Variants in FAM169A observed in about 807,000 individuals in gnomAD.
FAM169A encodes soluble lamin-associated protein of 75 kDa.
Under a neutral mutation model 75.7 loss-of-function variants are expected in FAM169A, and 24 were observed. The observed-to-expected ratio is 0.32, with a 90% CI of 0.23 to 0.45. The LOEUF (loss-of-function observed/expected upper bound fraction) is 0.45, where lower values mean the gene tolerates loss of function less well. FAM169A is among the 20% of genes least tolerant of loss of function. The pLI is 1.00. For synonymous variants in FAM169A, 271 were observed against 271.0 expected, an observed-to-expected ratio of 1.00 and a Z score of 0.00; for missense variants, 673 against 784.0, an observed-to-expected ratio of 0.86 and a Z score of 1.69.
At chr5:74,785,773 G>T (rs549004305) in intron 11 of FAM169A, among the ~76,000 whole-genome samples, 12 of 152,204 alleles carry the variant, frequency 7.9e-5, no homozygotes, top group Admixed American at 3.9e-4. Context: ...ACACACACAC[G>T]TATGTATATA....
rs1750324266 is a variant in FAM169A at position 74,866,078 on chromosome 5, G to T, written c.-4+87C>A. The T allele has an allele frequency of 5.9e-6, 4 of 673,240 alleles. No individual in the cohort carries two copies. In the Admixed American group the frequency reaches 1.9e-4, roughly 32 times the overall value. The allele number at this position is 673,240 out of a possible 1,614,324, so 41.7% of individuals were successfully genotyped here. ...CCCGCGTCGCCGCTCGGTGTCCGCG[G>T]GTCTGGTGCTGGCGGGGGCGCGGGG... On this transcript the variant is annotated intron_variant, in intron 1 of 12. Transcript: ENST00000687041.
rs1428808260 is a variant in FAM169A, at chr5:74,796,109, A to T, written c.1181T>A (p.Phe394Tyr). The change falls in exon 11 of 13, where the codon TTT becomes TAT. Residue 394 changes from phenylalanine to tyrosine, a missense_variant. Transcript: ENST00000687041. ...ATCTCTATCACTGCTTTCATCCTCA[A>T]ATTCAATCCCTCTCTGTTCAGGTTC... The part of the protein sequence containing the change: ...EEEPEQRGIE[F>Y]EDESSDRDAR... 1.2e-6 allele frequency: 2 copies of T among 1,613,950 alleles called. No homozygotes were observed. Among genetic ancestry groups the T allele is most frequent in the Non-Finnish European group, 1.7e-6 (2 of 1,180,014 alleles).
rs1745389138 is a variant in FAM169A at position 74,781,090 on chromosome 5, AG to A, written c.*369del. ...ACCAAGTTTTACTATTAAAACCCTT[AG>A]TATAAAAGATTTCTGTGATCCTTAT... is the stretch of plus-strand genomic sequence containing the variant. On this transcript the variant is annotated 3_prime_UTR_variant, in exon 13 of 13. Coordinates refer to ENST00000687041, the MANE Select transcript of FAM169A (RefSeq NM_001376049.1). The A allele has an allele frequency of 5.8e-6, 1 of 171,258 alleles. No homozygotes were observed. Among genetic ancestry groups the A allele is most frequent in the Non-Finnish European group, 1.2e-5 (1 of 80,302 alleles). 10.6% of individuals were successfully genotyped at this position (171,258 alleles called of 1,614,324 possible).
At chr5:74,862,426 C>T (rs1261621317) in intron 1 of FAM169A, among the ~76,000 whole-genome samples, 1 of 152,182 alleles carries the variant, frequency 6.6e-6, no homozygotes, top group East Asian at 1.9e-4. Flanking sequence ...ATCCCACATC[C>T]CCAAAAGCTT....
chr5:74,845,077 T>C (rs1749080491), intron 1 of FAM169A, among the ~76,000 whole-genome samples: 1 of 152,098 alleles, frequency 6.6e-6, no homozygotes, highest in South Asian at 2.1e-4. Flanking sequence ...AAACTGAAAA[T>C]CCAGAGAAAC....
upstream of FAM169A, chr5:74,866,605 C>T (rs553917168): frequency 1.6e-4 from 108 of 655,062 alleles, 1 homozygote; most frequent in South Asian, 6.6e-3. Flanking sequence ...CCTCTCTCCG[C>T]CCCGGCCGCC....
At chr5:74,796,654 T>G (rs1746293480) in intron 10 of FAM169A, among the ~76,000 whole-genome samples, 1 of 152,088 alleles carries the variant, frequency 6.6e-6, no homozygotes, top group Non-Finnish European at 1.5e-5. Context: ...TCCGCCCATC[T>G]TGGCCTCCCA....
chr5:74,816,280 CAA>C (rs1394890546), intron 5 of FAM169A, among the ~76,000 whole-genome samples: 1 of 152,144 alleles, frequency 6.6e-6, no homozygotes, highest in Non-Finnish European at 1.5e-5. Context: ...GTTCTCAATA[CAA>C]AGTCTGAGGA....
Position 74,800,971 on chromosome 5 carries a change from T to C in FAM169A, c.1012A>G (p.Ile338Val), listed in dbSNP as rs1265664656. The C allele has an allele frequency of 6.4e-7, 1 of 1,562,958 alleles. No individual in the cohort carries two copies. Among genetic ancestry groups the C allele is most frequent in the Non-Finnish European group, 8.7e-7 (1 of 1,154,004 alleles). The change falls in exon 10 of 13, where the codon ATT (isoleucine) becomes GTT (valine). Residue 338 changes from isoleucine (I) to valine (V), a missense_variant. Around this residue, in one of 3 missense-constraint regions of FAM169A, gnomAD observed 510 missense variants for 550.9 expected, o/e 0.93. Coordinates refer to ENST00000687041, the MANE Select transcript of FAM169A (RefSeq NM_001376049.1). ...TCAGAATCCTGAAACCGCTTTCCAA[T>C]CTTTGGCCGCTTTAGATTACCACTT... ...TRSGNLKRPKIGKRFQDSEFS... is the reference protein window; with the variant it reads ...TRSGNLKRPKVGKRFQDSEFS...
At chr5:74,815,864 G>GT (rs1413815037) in intron 5 of FAM169A, among the ~76,000 whole-genome samples, 1 of 152,172 alleles carries the variant, frequency 6.6e-6, no homozygotes, top group Non-Finnish European at 1.5e-5. Context: ...ACATCAGGAA[G>GT]TTACCCAATA....
chr5:74,781,524 C>T lies in FAM169A; in HGVS notation c.1949G>A (p.Arg650Gln), dbSNP rs1745406045. 6 of 1,614,014 alleles carry T rather than the reference C, an allele frequency of 3.7e-6. No homozygotes were observed. Among genetic ancestry groups the T allele is most frequent in the East Asian group, 2.2e-5 (1 of 44,898 alleles). Residue 650 changes from arginine (R) to glutamine (Q), a missense_variant, in exon 13 of 13, where the codon CGG becomes CAG. Transcript: ENST00000687041. ...IEVEVPVVDR[R>Q]NLRRKAKGHK... ...CCCTTTGGCCTTTCTTCTTAAATTC[C>T]GCCTGTCTACCACAGGCACTTCCAC...
chr5:74,818,512 A>G (rs1747585119), intron 5 of FAM169A, among the ~76,000 whole-genome samples: 1 of 152,110 alleles, frequency 6.6e-6, no homozygotes, highest in African/African-American at 2.4e-5. Flanking sequence ...AGTTAAGTCT[A>G]TGGTCTATGA....
At chr5:74,801,912 GCTTA>G (rs1228897956) in intron 8 of FAM169A, among the ~76,000 whole-genome samples, 10 of 152,182 alleles carry the variant, frequency 6.6e-5, no homozygotes, top group Admixed American at 1.3e-4. Flanking sequence ...CCTTCACTAT[GCTTA>G]CTTCAGTATC....
intron 1 of FAM169A, among the ~76,000 whole-genome samples, chr5:74,842,528 C>A (rs1256136930): frequency 7.5e-6 from 1 of 133,838 alleles, no homozygotes; most frequent in Admixed American, 7.7e-5. Flanking sequence ...ATATATATAG[C>A]TTTTTTCTTT....
Position 74,778,677 on chromosome 5 carries a change from G to C in FAM169A, c.*2783C>G, listed in dbSNP as rs1278795762. The C allele has an allele frequency of 6.6e-6, 1 of 152,000 alleles. No homozygotes were observed. The highest frequency in any genetic ancestry group is 1.5e-5 in the Non-Finnish European group (1 of 67,914). The allele number at this position is 152,000 out of a possible 1,614,324, so 9.4% of individuals were successfully genotyped here. A position where few individuals can be genotyped will look rare whatever the true frequency, so the allele number is the denominator to read the frequency against. On this transcript the variant is annotated 3_prime_UTR_variant, in exon 13 of 13. Coordinates refer to ENST00000687041, the MANE Select transcript of FAM169A (RefSeq NM_001376049.1). ...TAAATTCTTAAATATACTAATTTCT[G>C]TGATGTCTAGCAATTGAATAATTTA...
At chr5:74,807,548 C>A (rs1746954189) in intron 6 of FAM169A, among the ~76,000 whole-genome samples, 1 of 152,174 alleles carries the variant, frequency 6.6e-6, no homozygotes, top group South Asian at 2.1e-4. Flanking sequence ...GCCAAACCAT[C>A]ATAAGTCAAG....
chr5:74,799,235 A>T, intron 10 of FAM169A: 1 of 1,438,694 alleles, frequency 7.0e-7, no homozygotes. Context: ...GTCTGGAGTC[A>T]GAAAGATGGT....
In FAM169A at chr5:74,805,260, T is replaced by C; in HGVS notation, c.695A>G (p.Tyr232Cys). 6.2e-7 allele frequency: 1 copy of C among 1,613,788 alleles called. No homozygotes were observed. Among genetic ancestry groups the C allele is most frequent in the Non-Finnish European group, 8.5e-7 (1 of 1,179,798 alleles). Reference sequence around the variant, plus strand: ...CCAAAGGAGTTCATGGTCTCCTGGATACTTCTCAAAGTATTGCTTGCAAGC... The same window carrying C: ...CCAAAGGAGTTCATGGTCTCCTGGACACTTCTCAAAGTATTGCTTGCAAGC... The part of the protein sequence containing the change: ...YTACKQYFEK[Y>C]PGDHELLWEV... Residue 232 changes from tyrosine (Y) to cysteine (C), a missense_variant, in exon 7 of 13, where the codon TAT becomes TGT. Tyr to Cys is a radical substitution (Grantham distance 194, BLOSUM62 -2). Around this residue, in one of 3 missense-constraint regions of FAM169A, gnomAD observed 510 missense variants for 550.9 expected, o/e 0.93. Coordinates refer to ENST00000687041, the MANE Select transcript of FAM169A (RefSeq NM_001376049.1).
intron 4 of FAM169A, among the ~76,000 whole-genome samples, chr5:74,836,327 T>C (rs1191345844): frequency 7.9e-6 from 1 of 127,370 alleles, no homozygotes; most frequent in Non-Finnish European, 1.5e-5. Flanking sequence ...TTTCTCTTTG[T>C]TTTTTAATTC....
Sources: allele counts gnomAD v4.1 joint callset (sites outside exome capture counted in the v4.1 genomes callset), GRCh38; gene constraint gnomAD v4.1.1; regional missense constraint gnomAD v4.1.1; transcripts MANE v1.5; gene names NCBI Gene and HGNC (gene_info 2026-07-23, HGNC 2026-07-21).